The following KCNIP4 variants were observed in gnomAD, a reference collection of about 807,000 sequenced individuals.
KCNIP4 encodes the protein Kv channel-interacting protein 4.
KCNIP4 carries 12 observed loss-of-function variants against 34.0 expected under a neutral mutation model. The observed-to-expected ratio is 0.35, with a 90% CI of 0.23 to 0.57. The LOEUF is 0.57. KCNIP4 is among the 20% of genes least tolerant of loss of function. The probability of loss-of-function intolerance (pLI) is 0.83; values close to 1 mark genes in which losing one functional copy is unlikely to be tolerated. For missense variants in KCNIP4, 238 were observed against 311.7 expected, an observed-to-expected ratio of 0.76 and a Z score of 1.78; for synonymous variants, 124 against 102.2, an observed-to-expected ratio of 1.21 and a Z score of -1.29.
At chr4:21,555,960 T>C (rs765825930) in intron 1 of KCNIP4, among the ~76,000 whole-genome samples, 13 of 152,076 alleles carry the variant, frequency 8.5e-5, no homozygotes, top group Non-Finnish European at 1.6e-4. Context: ...CTGTGAAAAA[T>C]GCACACTCGG....
chr4:20,832,221 T>C (rs28417510), intron 3 of KCNIP4, among the ~76,000 whole-genome samples: 1,541 of 152,284 alleles, frequency 0.01, 30 homozygotes, highest in African/African-American at 0.035. Context: ...GTTCAACAAA[T>C]AGATTTTACG....
At chr4:21,523,990 A>G (rs1031874138) in intron 1 of KCNIP4, among the ~76,000 whole-genome samples, 4 of 152,122 alleles carry the variant, frequency 2.6e-5, no homozygotes, top group African/African-American at 9.7e-5. Flanking sequence ...AAAATGTATG[A>G]TATTTCTGCC....
chr4:21,102,138 T>A (rs1299627917), intron 1 of KCNIP4, among the ~76,000 whole-genome samples: 2 of 152,156 alleles, frequency 1.3e-5, no homozygotes, highest in African/African-American at 2.4e-5. Flanking sequence ...ACGATGTAGG[T>A]TTTTTAGTGA....
intron 1 of KCNIP4, among the ~76,000 whole-genome samples, chr4:20,893,906 G>A (rs1726217811): frequency 1.3e-5 from 2 of 152,020 alleles, no homozygotes; most frequent in South Asian, 4.1e-4. Flanking sequence ...TTTGATCAGT[G>A]AGCCATGATC....
intron 1 of KCNIP4, among the ~76,000 whole-genome samples, chr4:21,256,099 A>G (rs1195324012): frequency 1.3e-5 from 2 of 152,164 alleles, no homozygotes; most frequent in African/African-American, 2.4e-5. Flanking sequence ...TAGCAGTGAG[A>G]TGTGCTAGAA....
chr4:21,261,493 T>C (rs952725229), intron 1 of KCNIP4, among the ~76,000 whole-genome samples: 2 of 152,180 alleles, frequency 1.3e-5, no homozygotes, highest in Non-Finnish European at 2.9e-5. Flanking sequence ...TCCTGTGTCA[T>C]GAACATCACC....
intron 1 of KCNIP4, among the ~76,000 whole-genome samples, chr4:21,564,232 G>A (rs187002676): frequency 2.6e-5 from 4 of 152,006 alleles, no homozygotes; most frequent in South Asian, 2.1e-4. Flanking sequence ...TCAACTACAC[G>A]TTGAGTGCAA....
intron 1 of KCNIP4, among the ~76,000 whole-genome samples, chr4:21,724,440 T>A (rs1715044739): frequency 6.6e-6 from 1 of 152,144 alleles, no homozygotes. Flanking sequence ...TATGAACTAT[T>A]ATTACATGAA....
intron 2 of KCNIP4, among the ~76,000 whole-genome samples, chr4:20,874,306 G>C (rs1468491682): frequency 6.6e-6 from 1 of 152,112 alleles, no homozygotes; most frequent in Non-Finnish European, 1.5e-5. Flanking sequence ...TTTAACTCTA[G>C]TATCTCTCTA....
chr4:21,606,572 T>TTTTG (rs764721854), intron 1 of KCNIP4, among the ~76,000 whole-genome samples: 11 of 151,908 alleles, frequency 7.2e-5, no homozygotes, highest in Admixed American at 2.6e-4. Context: ...TTCTGTGCTG[T>TTTTG]TTTGTTTGTT....
intron 1 of KCNIP4, among the ~76,000 whole-genome samples, chr4:21,518,222 T>A (rs183159119): frequency 6.6e-6 from 1 of 152,154 alleles, no homozygotes; most frequent in African/African-American, 2.4e-5. Context: ...GGGATCAATA[T>A]ATTGGCCTGG....
At chr4:21,416,307 T>TAGG (rs1316223241) in intron 1 of KCNIP4, among the ~76,000 whole-genome samples, 1 of 152,154 alleles carries the variant, frequency 6.6e-6, no homozygotes, top group Non-Finnish European at 1.5e-5. Flanking sequence ...GTAGAGGGAT[T>TAGG]AGGAGGCATC....
chr4:20,951,124 C>T (rs1732746978), intron 1 of KCNIP4, among the ~76,000 whole-genome samples: 1 of 152,154 alleles, frequency 6.6e-6, no homozygotes, highest in Non-Finnish European at 1.5e-5. Context: ...GTCTCTCTCT[C>T]TCTCCCTACG....
Position 21,016,895 on chromosome 4 carries a change from A to C in KCNIP4, c.62-134186T>G, listed in dbSNP as rs1739593385. 1.3e-5 allele frequency among the ~76,000 whole-genome samples: 2 copies of C among 152,206 alleles called. 1 individual carries two copies. Among genetic ancestry groups the C allele is most frequent in the South Asian group, 4.1e-4 (2 of 4,834 alleles). On this transcript the variant is annotated intron_variant, in intron 1 of 8. Transcript: ENST00000382152. ...TAAAGTTTAGTCTAAATTCTTAAGA[A>C]AAGTGCTATTTTGACATGGTAGACA...
At chr4:20,839,201 T>G (rs951683019) in intron 3 of KCNIP4, among the ~76,000 whole-genome samples, 23 of 152,256 alleles carry the variant, frequency 1.5e-4, no homozygotes, top group African/African-American at 5.1e-4. Flanking sequence ...ATATTACCAT[T>G]GCGATAAAAC....
chr4:21,304,075 GAGAGAGAGAGAC>G lies in KCNIP4; in HGVS notation c.62-421378_62-421367del, dbSNP rs1560272594. On this transcript the variant is annotated intron_variant, in intron 1 of 8. Transcript: ENST00000382152. ...AGAGAGAGAGAGAGAGAGACAGAGA[GAGAGAGAGAGAC>G]AGAGAGAGAGAGAGAGAGAGACAGA... is the stretch of plus-strand genomic sequence containing the variant. 7.3e-3 allele frequency: 2,060 copies of G among 283,904 alleles called. 18 individuals carry two copies. Among genetic ancestry groups the G allele is most frequent in the Admixed American group, 0.016 (146 of 9,006 alleles). The allele number at this position is 283,904 out of a possible 1,614,324, so 17.6% of individuals were successfully genotyped here.
chr4:21,289,009 A>G (rs1249720897), intron 1 of KCNIP4, among the ~76,000 whole-genome samples: 1 of 152,178 alleles, frequency 6.6e-6, no homozygotes, highest in Non-Finnish European at 1.5e-5. Context: ...GATAACTATT[A>G]TTGACTGGGT....
intron 1 of KCNIP4, among the ~76,000 whole-genome samples, chr4:21,811,431 A>G (rs112957806): frequency 3.4e-4 from 52 of 152,336 alleles, no homozygotes; most frequent in African/African-American, 1.2e-3. Flanking sequence ...TAAGCTAACA[A>G]AATGAAATAG....
chr4:21,756,822 C>A (rs900753822), intron 1 of KCNIP4, among the ~76,000 whole-genome samples: 2 of 151,992 alleles, frequency 1.3e-5, no homozygotes, highest in South Asian at 2.1e-4. Flanking sequence ...ATAGGCCAGG[C>A]GCAGTGGCTC....
Sources: allele counts gnomAD v4.1 joint callset (sites outside exome capture counted in the v4.1 genomes callset), GRCh38; gene constraint gnomAD v4.1.1; transcripts MANE v1.5; gene names NCBI Gene and HGNC (gene_info 2026-07-23, HGNC 2026-07-21).